Variants in SGIP1 observed in about 807,000 individuals in gnomAD.
SGIP1 encodes SH3GL interacting endocytic adaptor 1.
In SGIP1, 38 loss-of-function variants were observed where a neutral mutation model predicts 107.5. The ratio of observed to expected loss-of-function variants is 0.35; its 90% confidence interval spans 0.27 to 0.46. The LOEUF is 0.46. Among genes scored for constraint, SGIP1 ranks in the 20% least tolerant of loss-of-function variants. The pLI is 1.00. For missense variants in SGIP1, 929 were observed against 1,019.5 expected, an observed-to-expected ratio of 0.91 and a Z score of 1.21; for synonymous variants, 365 against 366.1, an observed-to-expected ratio of 1.00 and a Z score of 0.03.
chr1:66,550,477 C>T (rs760838194), intron 1 of SGIP1, among the ~76,000 whole-genome samples: 1 of 152,102 alleles, frequency 6.6e-6, no homozygotes, highest in Admixed American at 6.5e-5. Flanking sequence ...AGCCCTAGAT[C>T]TCTGGATATT....
intron 17 of SGIP1, among the ~76,000 whole-genome samples, chr1:66,691,942 C>T (rs961764169): frequency 6.6e-6 from 1 of 152,082 alleles, no homozygotes; most frequent in African/African-American, 2.4e-5. Flanking sequence ...GGGCAGATCA[C>T]AAGGTCAGGA....
Position 66,677,051 on chromosome 1 carries a change from C to G in SGIP1, c.694C>G (p.Pro232Ala). The G allele has an allele frequency of 6.2e-7, 1 of 1,613,838 alleles. No homozygotes were observed. The highest frequency in any genetic ancestry group is 8.5e-7 in the Non-Finnish European group (1 of 1,179,962). Reference protein sequence around the residue: ...EIWGSGQPINPSMESPKLTRP... With the variant: ...EIWGSGQPINASMESPKLTRP... ...ATGGGGTTCAGGCCAACCAATTAAT[C>G]CAAGCATGGAGTCGCCAAAGTTAAC... The change falls in exon 13 of 25, where the codon CCA (proline) becomes GCA (alanine). Residue 232 changes from proline to alanine, a missense_variant. Physicochemically the swap from Pro to Ala is conservative, Grantham distance 27 (BLOSUM62 -1). Coordinates refer to ENST00000371037, the MANE Select transcript of SGIP1 (RefSeq NM_032291.4).
intron 1 of SGIP1, among the ~76,000 whole-genome samples, chr1:66,586,503 C>G (rs1196209504): frequency 6.6e-6 from 1 of 152,062 alleles, no homozygotes; most frequent in Non-Finnish European, 1.5e-5. Context: ...AGTGGCTGCT[C>G]TAGATATTAC....
At chr1:66,658,179 A>G (rs1439381068) in intron 7 of SGIP1, among the ~76,000 whole-genome samples, 1 of 152,316 alleles carries the variant, frequency 6.6e-6, no homozygotes, top group East Asian at 1.9e-4. Context: ...AAAGGCTGAG[A>G]AATTTACCTT....
In SGIP1 at chr1:66,749,965, T is replaced by C. The variant is rs551121224; in HGVS notation, c.*6870T>C. On this transcript the variant is annotated 3_prime_UTR_variant, in exon 25 of 25. Coordinates refer to ENST00000371037, the MANE Select transcript of SGIP1 (RefSeq NM_032291.4). ...TCTTGCTTTGTTAAATGGACATACATGAAAGAGATTGGCTCCTATCTAATT... is the reference window on the plus strand; with the variant it reads ...TCTTGCTTTGTTAAATGGACATACACGAAAGAGATTGGCTCCTATCTAATT... Among the ~76,000 whole-genome samples, 30 of 151,902 alleles carry C rather than the reference T, an allele frequency of 2.0e-4. No homozygotes were observed. The highest frequency in any genetic ancestry group is 1.7e-3 in the South Asian group (8 of 4,802).
chr1:66,580,411 G>T (rs1372405824), intron 1 of SGIP1, among the ~76,000 whole-genome samples: 1 of 152,114 alleles, frequency 6.6e-6, no homozygotes, highest in South Asian at 2.1e-4. Context: ...TCTCTACTCA[G>T]ATATCACCTA....
At chr1:66,540,072 A>T (rs904640277) in intron 1 of SGIP1, among the ~76,000 whole-genome samples, 1 of 152,220 alleles carries the variant, frequency 6.6e-6, no homozygotes, top group Non-Finnish European at 1.5e-5. Context: ...ACTATTCATT[A>T]TTAGGTATTA....
At chr1:66,612,191 G>T (rs182119358) in intron 1 of SGIP1, among the ~76,000 whole-genome samples, 72 of 152,268 alleles carry the variant, frequency 4.7e-4, no homozygotes, top group African/African-American at 1.7e-3. Flanking sequence ...GGGAGGAGGT[G>T]CCAGGTTCTT....
At chr1:66,693,322 A>C (rs186991011) in intron 17 of SGIP1, among the ~76,000 whole-genome samples, 63 of 151,864 alleles carry the variant, frequency 4.1e-4, no homozygotes, top group East Asian at 1.9e-3. Flanking sequence ...AAAAGCTCAC[A>C]GGACCTCTAC....
At chr1:66,594,599 G>A (rs1483724803) in intron 1 of SGIP1, among the ~76,000 whole-genome samples, 1 of 152,134 alleles carries the variant, frequency 6.6e-6, no homozygotes, top group Non-Finnish European at 1.5e-5. Flanking sequence ...GGGAATGTGG[G>A]AGCAGTCATG....
At chr1:66,573,009 T>C (rs905631555) in intron 1 of SGIP1, among the ~76,000 whole-genome samples, 7 of 151,964 alleles carry the variant, frequency 4.6e-5, no homozygotes, top group Non-Finnish European at 1.5e-5. Context: ...AATAGGCAAA[T>C]CTATCAAGAG....
chr1:66,679,125 T>G (rs989851907), intron 13 of SGIP1, among the ~76,000 whole-genome samples: 3 of 152,198 alleles, frequency 2.0e-5, no homozygotes, highest in African/African-American at 4.8e-5. Context: ...GTTAGTTTGC[T>G]TCTAACTTTA....
intron 19 of SGIP1, among the ~76,000 whole-genome samples, chr1:66,724,679 G>T (rs559181555): frequency 6.6e-6 from 1 of 152,282 alleles, no homozygotes; most frequent in South Asian, 2.1e-4. Context: ...AGAACAACTT[G>T]CATAGTTAGG....
At chr1:66,690,129 A>G in intron 16 of SGIP1, 61 bp from the exon 17 acceptor site, 1 of 1,594,206 alleles carries the variant, frequency 6.3e-7, no homozygotes, top group East Asian at 2.2e-5. Flanking sequence ...CATTAAAAAT[A>G]TGGAGCAAAA....
At chr1:66,637,786 T>C (rs1000195218) in intron 4 of SGIP1, among the ~76,000 whole-genome samples, 18 of 150,696 alleles carry the variant, frequency 1.2e-4, no homozygotes. Flanking sequence ...TATTTATATA[T>C]ATGCATGTGT....
intron 7 of SGIP1, among the ~76,000 whole-genome samples, chr1:66,648,916 G>A (rs1164875736): frequency 6.6e-6 from 1 of 152,138 alleles, no homozygotes; most frequent in African/African-American, 2.4e-5. Flanking sequence ...CACTGTAAAG[G>A]AAGGATGATA....
intron 1 of SGIP1, among the ~76,000 whole-genome samples, chr1:66,567,147 C>G (rs2059765906): frequency 6.6e-6 from 1 of 151,842 alleles, no homozygotes; most frequent in African/African-American, 2.4e-5. Context: ...GTTCCTATTT[C>G]TCCACAGCCT....
intron 1 of SGIP1, among the ~76,000 whole-genome samples, chr1:66,580,562 A>G (rs2061678986): frequency 6.6e-6 from 1 of 152,128 alleles, no homozygotes; most frequent in Non-Finnish European, 1.5e-5. Flanking sequence ...CTGTCTTTCC[A>G]TATACAGCAG....
rs1345572753 is a variant in SGIP1, at chr1:66,743,944, C to G, written c.*849C>G. The G allele has an allele frequency of 1.3e-5, 2 of 152,336 alleles. No homozygotes were observed. The highest frequency in any genetic ancestry group is 2.9e-5 in the Non-Finnish European group (2 of 67,992). The allele number at this position is 152,336 out of a possible 1,614,324, so 9.4% of individuals were successfully genotyped here. Reference sequence around the variant, plus strand: ...ATGTGGGGATTGCTGAATAATCAGTCAGACTAAAACCAAAATTGTGATTTT... The same window carrying G: ...ATGTGGGGATTGCTGAATAATCAGTGAGACTAAAACCAAAATTGTGATTTT... On this transcript the variant is annotated 3_prime_UTR_variant, in exon 25 of 25. Coordinates refer to ENST00000371037, the MANE Select transcript of SGIP1 (RefSeq NM_032291.4).
Sources: gnomAD v4.1 joint callset for allele counts (sites outside exome capture counted in the v4.1 genomes callset) on GRCh38, gnomAD v4.1.1 for gene constraint, MANE v1.5 for transcripts, NCBI Gene and HGNC (gene_info 2026-07-23, HGNC 2026-07-21) for gene names.